LRRN1: variants seen among roughly 807,000 people sequenced by gnomAD.
LRRN1 encodes the protein leucine-rich repeat neuronal protein 1.
In LRRN1, 14 loss-of-function variants were observed where a neutral mutation model predicts 45.8. The observed-to-expected ratio is 0.31, with a 90% confidence interval of 0.20 to 0.48. The LOEUF (loss-of-function observed/expected upper bound fraction) is 0.48. LRRN1 is among the 20% of genes least tolerant of loss of function. LRRN1 has a pLI of 0.99. For missense variants in LRRN1, 789 were observed against 874.2 expected, an observed-to-expected ratio of 0.90 and a Z score of 1.23; for synonymous variants, 359 against 330.1, an observed-to-expected ratio of 1.09 and a Z score of -0.95.
At chr3:3,838,484 A>G (rs1217366262) in intron 1 of LRRN1, among the ~76,000 whole-genome samples, 1 of 152,208 alleles carries the variant, frequency 6.6e-6, no homozygotes, top group Non-Finnish European at 1.5e-5. Flanking sequence ...AATAGGTGCA[A>G]TGAACGTGGG....
intron 1 of LRRN1, among the ~76,000 whole-genome samples, chr3:3,811,212 C>G (rs981783651): frequency 1.3e-5 from 2 of 152,188 alleles, no homozygotes; most frequent in African/African-American, 4.8e-5. Flanking sequence ...TATCGTACAG[C>G]TAGTAAGAAG....
At position 3,799,710 on chromosome 3, in the gene LRRN1, G is replaced by T. The variant is rs1692597873; in HGVS notation, c.-488G>T. 6.5e-6 allele frequency: 1 copy of T among 154,130 alleles called. No homozygotes were observed. 9.5% of individuals were successfully genotyped at this position (154,130 alleles called of 1,614,324 possible). A position where few individuals can be genotyped will look rare whatever the true frequency, so the allele number is the denominator to read the frequency against. ...AGCCCAGCCCCGTGCAGCAGCGGTT[G>T]CCTGTGTCGCCGCCTAGTCTCCGGT... On this transcript the variant is annotated 5_prime_UTR_variant, in exon 1 of 2. Coordinates refer to ENST00000319331, the MANE Select transcript of LRRN1 (RefSeq NM_020873.7).
At position 3,843,214 on chromosome 3, in the gene LRRN1, G is replaced by A. The variant is rs75312751; in HGVS notation, c.-278-1150G>A. 2.3e-3 allele frequency among the ~76,000 whole-genome samples: 343 copies of A among 152,260 alleles called. 1 individual carries two copies. Among genetic ancestry groups the A allele is most frequent in the African/African-American group, 7.8e-3 (326 of 41,556 alleles). On this transcript the variant is annotated intron_variant, in intron 1 of 1. Transcript: ENST00000319331. Reference sequence around the variant, plus strand: ...GCTGAAGATACTTGAGGCTTCAAGAGGTTATATAAACATGTTCATGGTCAA... The same window carrying A: ...GCTGAAGATACTTGAGGCTTCAAGAAGTTATATAAACATGTTCATGGTCAA...
rs192186364 is a variant in LRRN1 at position 3,824,095 on chromosome 3, C to G, written c.-278-20269C>G. ...GAGTCAGATAGGACTCAGAACCAGA[C>G]AGCATTCAGGCATGGGCCCTATGTC... On this transcript the variant is annotated intron_variant, in intron 1 of 1. Coordinates refer to ENST00000319331, the MANE Select transcript of LRRN1 (RefSeq NM_020873.7). Among the ~76,000 whole-genome samples, 207 of 152,326 alleles carry G rather than the reference C, an allele frequency of 1.4e-3. 2 individuals are homozygous for G. The highest frequency in any genetic ancestry group is 3.4e-3 in the Middle Eastern group (1 of 294).
chr3:3,811,219 G>C (rs1692866510), intron 1 of LRRN1, among the ~76,000 whole-genome samples: 1 of 152,208 alleles, frequency 6.6e-6, no homozygotes, highest in African/African-American at 2.4e-5. Flanking sequence ...CAGCTAGTAA[G>C]AAGTATGCAT....
At chr3:3,839,015 CTCATT>C (rs1166219187) in intron 1 of LRRN1, among the ~76,000 whole-genome samples, 2 of 152,006 alleles carry the variant, frequency 1.3e-5, no homozygotes, top group Non-Finnish European at 2.9e-5. Context: ...TTGAAATCAT[CTCATT>C]TGTCTTCTGT....
chr3:3,817,733 A>G (rs1209470307), intron 1 of LRRN1, among the ~76,000 whole-genome samples: 7 of 152,040 alleles, frequency 4.6e-5, no homozygotes, highest in Non-Finnish European at 1.5e-5. Context: ...AAAATGTCAG[A>G]TAATTAGTAC....
chr3:3,834,215 G>T (rs1693434797), intron 1 of LRRN1, among the ~76,000 whole-genome samples: 2 of 151,746 alleles, frequency 1.3e-5, no homozygotes, highest in African/African-American at 4.8e-5. Context: ...GTGTTCCTCG[G>T]TTCTCCACAT....
intron 1 of LRRN1, among the ~76,000 whole-genome samples, chr3:3,808,297 A>G (rs969217301): frequency 6.6e-6 from 1 of 152,198 alleles, no homozygotes. Flanking sequence ...GTTGGGACCC[A>G]TCACCAACAC....
intron 1 of LRRN1, among the ~76,000 whole-genome samples, chr3:3,813,439 C>T (rs1340679672): frequency 1.3e-5 from 2 of 152,102 alleles, no homozygotes; most frequent in Admixed American, 1.3e-4. Context: ...AAATACTTAT[C>T]AGAAAAAGAT....
In LRRN1 at chr3:3,816,345, T is replaced by C. The variant is rs2106455815; in HGVS notation, c.-279+16426T>C. Among the ~76,000 whole-genome samples the C allele has an allele frequency of 6.6e-6, 1 of 152,260 alleles. No individual in the cohort carries two copies. The highest frequency in any genetic ancestry group is 1.5e-5 in the Non-Finnish European group (1 of 68,012). The stretch of plus-strand genomic sequence containing the variant: ...ACTAAGATAGGGGAACACATTGGCA[T>C]CAAGGAAAATCTACAATAAGAAACT... On this transcript the variant is annotated intron_variant, in intron 1 of 1. Transcript: ENST00000319331. This position sits in a 1 kb window ranked among gnomAD's most constrained non-coding sequence, Gnocchi z 4.0.
At chr3:3,809,384 T>C (rs1396410786) in intron 1 of LRRN1, among the ~76,000 whole-genome samples, 2 of 152,182 alleles carry the variant, frequency 1.3e-5, no homozygotes, top group Admixed American at 6.5e-5. Flanking sequence ...CCTCAAGATA[T>C]CCACCTGCCT....
chr3:3,834,082 G>A (rs1693431376), intron 1 of LRRN1, among the ~76,000 whole-genome samples: 1 of 152,088 alleles, frequency 6.6e-6, no homozygotes, highest in African/African-American at 2.4e-5. Flanking sequence ...GGTAATCTTA[G>A]CAGATTTGAG....
intron 1 of LRRN1, among the ~76,000 whole-genome samples, chr3:3,813,677 GC>G (rs1692929017): frequency 1.3e-5 from 2 of 152,020 alleles, no homozygotes; most frequent in Non-Finnish European, 2.9e-5. Context: ...CCAAATGCCT[GC>G]TGGATATTTT....
chr3:3,821,571 G>GTAT (rs1693106139), intron 1 of LRRN1, among the ~76,000 whole-genome samples: 1 of 152,058 alleles, frequency 6.6e-6, no homozygotes, highest in African/African-American at 2.4e-5. Context: ...AACACTGAAT[G>GTAT]TATTTTTAAT....
chr3:3,804,683 C>A (rs1181265295), intron 1 of LRRN1, among the ~76,000 whole-genome samples: 6 of 152,192 alleles, frequency 3.9e-5, no homozygotes, highest in Non-Finnish European at 8.8e-5. Flanking sequence ...TAGCTCACAT[C>A]TATTATACCA....
chr3:3,820,450 T>C lies in LRRN1; in HGVS notation c.-279+20531T>C, dbSNP rs1013812837. Among the ~76,000 whole-genome samples the C allele has an allele frequency of 4.6e-5, 7 of 152,288 alleles. No individual in the cohort carries two copies. The South Asian group carries it at 8.3e-4, about 18-fold the overall frequency. ...CCTTTCATACAGGGCTGAACATTTT[T>C]TGTTTAAGTTATTTTCTATGTAAAC... is the stretch of plus-strand genomic sequence containing the variant. On this transcript the variant is annotated intron_variant, in intron 1 of 1. Coordinates refer to ENST00000319331, the MANE Select transcript of LRRN1 (RefSeq NM_020873.7).
Position 3,849,793 on chromosome 3 carries a change from CTA to C in LRRN1, c.*3003_*3004del, listed in dbSNP as rs1427922936. On this transcript the variant is annotated 3_prime_UTR_variant, in exon 2 of 2. Coordinates refer to ENST00000319331, the MANE Select transcript of LRRN1 (RefSeq NM_020873.7). Reference sequence around the variant, plus strand: ...CTGATTTGGCAAAAAGGAATCATCTCTATTTTTTTGCAAACAATATCAAAGTG... The same window carrying C: ...CTGATTTGGCAAAAAGGAATCATCTCTTTTTTTGCAAACAATATCAAAGTG... 9.8e-5 allele frequency among the ~76,000 whole-genome samples: 15 copies of C among 152,314 alleles called. No homozygotes were observed. In the East Asian group the frequency reaches 2.9e-3, roughly 29 times the overall value.
At chr3:3,827,545 AT>A (rs1693251171) in intron 1 of LRRN1, 1 of 455,900 alleles carries the variant, frequency 2.2e-6, no homozygotes, top group Admixed American at 2.4e-5. Context: ...TTGAACAAAA[AT>A]CCCATTTCCC....
Sources: allele counts gnomAD v4.1 joint callset (sites outside exome capture counted in the v4.1 genomes callset), GRCh38; gene constraint gnomAD v4.1.1; non-coding constraint Gnocchi (gnomAD v3.1); transcripts MANE v1.5; gene names NCBI Gene and HGNC (gene_info 2026-07-23, HGNC 2026-07-21).